Variants in WWTR1 observed in about 807,000 individuals in gnomAD.
WWTR1 encodes WW domain containing transcription regulator 1, also known as WW domain-containing transcription regulator protein 1.
Under a neutral mutation model 40.1 loss-of-function variants are expected in WWTR1, and 13 were observed. That is an observed-to-expected ratio of 0.32 (90% CI 0.21 to 0.52). The LOEUF (loss-of-function observed/expected upper bound fraction) is 0.52, where lower values mean the gene tolerates loss of function less well. Ranked by LOEUF, WWTR1 falls within the 20% of genes least tolerant of loss-of-function variation. The probability of loss-of-function intolerance (pLI) is 0.97; values close to 1 mark genes in which losing one functional copy is unlikely to be tolerated. For missense variants in WWTR1, 436 were observed against 523.1 expected (o/e 0.83, Z 1.63); for synonymous variants, 230 against 210.1 (o/e 1.09, Z -0.82).
upstream of WWTR1, among the ~76,000 whole-genome samples, chr3:149,705,947 T>C (rs1715317406): frequency 6.6e-6 from 1 of 152,212 alleles, no homozygotes; most frequent in Non-Finnish European, 1.5e-5. Flanking sequence ...ATCCCAGCAC[T>C]GTGGGAGGCC....
intron 1 of WWTR1, among the ~76,000 whole-genome samples, chr3:149,675,018 C>T (rs1016675153): frequency 6.6e-6 from 1 of 152,352 alleles, no homozygotes; most frequent in South Asian, 2.1e-4. Context: ...AGTTGGTAAA[C>T]TATCACAGCT....
At chr3:149,662,129 C>G (rs891375211), upstream of WWTR1, among the ~76,000 whole-genome samples, 1 of 151,774 alleles carries the variant, frequency 6.6e-6, no homozygotes, top group African/African-American at 2.4e-5. Flanking sequence ...GAAACTGGAT[C>G]GATGAGTTAG....
At chr3:149,582,365 C>T (rs1051019365) in intron 2 of WWTR1, among the ~76,000 whole-genome samples, 2 of 151,898 alleles carry the variant, frequency 1.3e-5, no homozygotes, top group African/African-American at 4.8e-5. Context: ...GGCTGCGTTG[C>T]AAACAATTTT....
At chr3:149,596,735 T>C (rs1016511819) in intron 2 of WWTR1, among the ~76,000 whole-genome samples, 25 of 152,254 alleles carry the variant, frequency 1.6e-4, no homozygotes, top group Non-Finnish European at 3.1e-4. Context: ...AGGTAAGATC[T>C]GCCGCTTACT....
chr3:149,618,156 C>G (rs539901592), intron 2 of WWTR1, among the ~76,000 whole-genome samples: 1 of 152,312 alleles, frequency 6.6e-6, no homozygotes, highest in South Asian at 2.1e-4. Context: ...AAAGCCTGTG[C>G]TCTTTGCAGG....
At chr3:149,590,804 G>A (rs775502948) in intron 2 of WWTR1, among the ~76,000 whole-genome samples, 1 of 152,186 alleles carries the variant, frequency 6.6e-6, no homozygotes, top group Non-Finnish European at 1.5e-5. Context: ...AGGCTGACGT[G>A]CATAACTTGG....
chr3:149,531,243 A>G (rs557697357), intron 4 of WWTR1, among the ~76,000 whole-genome samples: 23 of 152,274 alleles, frequency 1.5e-4, no homozygotes, highest in African/African-American at 5.5e-4. Context: ...CCTGAATAAT[A>G]GCTTTGAAAT....
intron 1 of WWTR1, among the ~76,000 whole-genome samples, chr3:149,681,285 C>T (rs1274422066): frequency 6.6e-6 from 1 of 152,202 alleles, no homozygotes; most frequent in African/African-American, 2.4e-5. Flanking sequence ...TACCATTTTA[C>T]ATTTCCACCA....
chr3:149,583,669 C>T (rs1187380768), intron 2 of WWTR1, among the ~76,000 whole-genome samples: 1 of 152,168 alleles, frequency 6.6e-6, no homozygotes, highest in African/African-American at 2.4e-5. Context: ...CACCCAAGAT[C>T]CAGATGAAGT....
At chr3:149,562,905 G>A (rs963567764) in intron 3 of WWTR1, among the ~76,000 whole-genome samples, 4 of 152,028 alleles carry the variant, frequency 2.6e-5, no homozygotes, top group Non-Finnish European at 2.9e-5. Flanking sequence ...ACACACAGGC[G>A]GGAGCAATAT....
At chr3:149,650,822 A>G (rs1712824729) in intron 2 of WWTR1, among the ~76,000 whole-genome samples, 1 of 152,232 alleles carries the variant, frequency 6.6e-6, no homozygotes, top group African/African-American at 2.4e-5. Flanking sequence ...CTTAACCAGG[A>G]AAGTTGACTC....
At chr3:149,638,395 C>T (rs1010268387) in intron 2 of WWTR1, among the ~76,000 whole-genome samples, 8 of 152,192 alleles carry the variant, frequency 5.3e-5, no homozygotes, top group Admixed American at 5.2e-4. Flanking sequence ...AGAGGAGCAA[C>T]TGGAAAGAGA....
chr3:149,528,021 G>C (rs370683519), intron 4 of WWTR1, 52 bp from the exon 5 acceptor site: 1 of 1,582,624 alleles, frequency 6.3e-7, no homozygotes, highest in South Asian at 1.2e-5. Flanking sequence ...ACAAGGCATG[G>C]AGCAAAGTGT....
At chr3:149,531,937 C>T (rs1427783062) in intron 4 of WWTR1, among the ~76,000 whole-genome samples, 1 of 152,084 alleles carries the variant, frequency 6.6e-6, no homozygotes, top group Admixed American at 6.6e-5. Flanking sequence ...AAATAATAGC[C>T]TATTGTATAC....
chr3:149,592,586 T>C (rs1176166183), intron 2 of WWTR1, among the ~76,000 whole-genome samples: 1 of 152,196 alleles, frequency 6.6e-6, no homozygotes, highest in African/African-American at 2.4e-5. Flanking sequence ...TATCAGAATA[T>C]ATATATACAG....
chr3:149,661,193 G>A (rs1269973149), upstream of WWTR1: 1 of 152,382 alleles, frequency 6.6e-6, no homozygotes, highest in African/African-American at 2.4e-5. Flanking sequence ...TTGGAGAGAG[G>A]GAAAAGTCCA....
At chr3:149,702,278 A>G (rs1055416027) in intron 1 of WWTR1, 1 of 152,268 alleles carries the variant, frequency 6.6e-6, no homozygotes, top group African/African-American at 2.4e-5. Flanking sequence ...TGTGCCCTAC[A>G]TTAAACAATG....
intron 2 of WWTR1, among the ~76,000 whole-genome samples, chr3:149,618,020 AT>A (rs1740074534): frequency 1.3e-5 from 2 of 152,338 alleles, no homozygotes; most frequent in South Asian, 4.1e-4. Flanking sequence ...ATGATAGACT[AT>A]GGGAGATTTT....
At chr3:149,549,424 A>G (rs1013375880) in intron 3 of WWTR1, among the ~76,000 whole-genome samples, 1 of 152,246 alleles carries the variant, frequency 6.6e-6, no homozygotes, top group African/African-American at 2.4e-5. Context: ...ACAAATTTCA[A>G]TAGAAAGGCA....
Sources: allele counts gnomAD v4.1 joint callset (sites outside exome capture counted in the v4.1 genomes callset), GRCh38; gene constraint gnomAD v4.1.1; transcripts MANE v1.5; gene names NCBI Gene and HGNC (gene_info 2026-07-23, HGNC 2026-07-21).